HGS: variants seen among roughly 807,000 people sequenced by gnomAD.
HGS encodes human growth factor-regulated tyrosine kinase substrate.
A neutral mutation model predicts 109.7 loss-of-function variants in HGS; 63 were observed. The ratio of observed to expected loss-of-function variants is 0.57; its 90% CI spans 0.47 to 0.71. The LOEUF (loss-of-function observed/expected upper bound fraction) is 0.71, where lower values mean the gene tolerates loss of function less well. Among genes scored for constraint, HGS ranks in the 30% least tolerant of loss-of-function variants. The pLI, the probability that HGS is intolerant of heterozygous loss-of-function variation, is 0.00. For synonymous variants in HGS, 546 were observed against 437.3 expected (o/e 1.25, Z -3.10); for missense variants, 995 against 1,068.3 (o/e 0.93, Z 0.96).
intron 11 of HGS, among the ~76,000 whole-genome samples, chr17:81,694,246 C>T (rs1311338093): frequency 3.3e-5 from 5 of 152,312 alleles, no homozygotes; most frequent in South Asian, 2.1e-4. Context: ...ACACCCCTCC[C>T]GCCCCACAGG....
intron 11 of HGS, among the ~76,000 whole-genome samples, chr17:81,694,510 T>A (rs1277316705): frequency 6.6e-6 from 1 of 152,200 alleles, no homozygotes; most frequent in South Asian, 2.1e-4. Flanking sequence ...CCCCACACGC[T>A]GGACCGTGGG....
Position 81,693,674 on chromosome 17 carries a change from G to C in HGS, c.762G>C (p.Glu254Asp), listed in dbSNP as rs2037100589. 6.4e-7 allele frequency: 1 copy of C among 1,555,018 alleles called. No individual in the cohort carries two copies. The highest frequency in any genetic ancestry group is 8.7e-7 in the Non-Finnish European group (1 of 1,148,682). ...QQSQLPPKRD[E>D]TALQEEEELQ... is the part of the protein sequence containing the mutation. ...CTCAGCTGCCCCCCAAGAGGGACGA[G>C]ACGGCCCTGCAGGAGGAGGAGGAGC... Residue 254 changes from glutamate to aspartate, a missense_variant, in exon 10 of 22, where the codon GAG becomes GAC. By Grantham distance (45) the Glu-to-Asp change is conservative. Transcript: ENST00000329138.
rs199625176 is a variant in HGS, at chr17:81,685,577, C to T, written c.38-28C>T. The T allele has an allele frequency of 4.0e-5, 63 of 1,578,270 alleles. No homozygotes were observed. In the East Asian group the frequency reaches 1.3e-3, roughly 32 times the overall value. Reference sequence around the variant, plus strand: ...CACGGGGCGTCCAGCAGGATAACCCCTCCCTTTCATGGCATTTTCTCTCTC... The same window carrying T: ...CACGGGGCGTCCAGCAGGATAACCCTTCCCTTTCATGGCATTTTCTCTCTC... On this transcript the variant is annotated intron_variant, in intron 1 of 21. Transcript: ENST00000329138.
intron 1 of HGS, among the ~76,000 whole-genome samples, chr17:81,685,331 C>G (rs957947200): frequency 6.6e-6 from 1 of 152,224 alleles, no homozygotes; most frequent in African/African-American, 2.4e-5. Flanking sequence ...CGGCAGTGCC[C>G]TCGCCTCTCT....
chr17:81,696,570 G>T, intron 16 of HGS, 37 bp from the exon 17 acceptor site: 1 of 1,557,628 alleles, frequency 6.4e-7, no homozygotes, highest in Non-Finnish European at 8.7e-7. Flanking sequence ...CCGGCTGGGG[G>T]ACCTCGCAGC....
intron 11 of HGS, 101 bp downstream of exon 11, chr17:81,694,066 G>C (rs540492609): frequency 9.9e-7 from 1 of 1,007,522 alleles, no homozygotes; most frequent in African/African-American, 1.6e-5. Context: ...TGGGGGATGC[G>C]GGTCCCCGGG....
chr17:81,691,595 G>T lies in HGS; in HGVS notation c.662+24G>T, dbSNP rs767085468. Reference sequence around the variant, plus strand: ...AGGTGAGTCCCCGCCCCCCATTTGGGCTGCAGGTGGGGCAGGCTCTCCAGG... The same window carrying T: ...AGGTGAGTCCCCGCCCCCCATTTGGTCTGCAGGTGGGGCAGGCTCTCCAGG... On this transcript the variant is annotated intron_variant, in intron 8 of 21. Coordinates refer to ENST00000329138, the MANE Select transcript of HGS (RefSeq NM_004712.5). The surrounding 1 kb of genome is among the most constrained non-coding windows in gnomAD (Gnocchi z 5.3). 1.2e-6 allele frequency: 2 copies of T among 1,613,428 alleles called. No homozygotes were observed. Among genetic ancestry groups the T allele is most frequent in the Admixed American group, 1.7e-5 (1 of 60,012 alleles).
intron 8 of HGS, chr17:81,692,186 A>G (rs1474668750): frequency 6.6e-6 from 1 of 152,506 alleles, no homozygotes; most frequent in Non-Finnish European, 1.5e-5. Context: ...TCCACGTTCC[A>G]TTTCTGCCGT....
chr17:81,699,721 G>A (rs2037204585), intron 18 of HGS, among the ~76,000 whole-genome samples: 2 of 149,572 alleles, frequency 1.3e-5, no homozygotes, highest in Admixed American at 1.3e-4. Context: ...ACCACGCCCC[G>A]CCTATGTTCC....
chr17:81,696,165 G>T, intron 15 of HGS, 166 bp downstream of exon 15: 1 of 412,952 alleles, frequency 2.4e-6, no homozygotes, highest in South Asian at 3.4e-5. Flanking sequence ...TGATGACCAT[G>T]CCCTGCCCTG....
chr17:81,695,324 C>A, intron 14 of HGS, 101 bp downstream of exon 14: 2 of 1,308,150 alleles, frequency 1.5e-6, no homozygotes, highest in Non-Finnish European at 2.2e-6. Flanking sequence ...GAGGGCCGTG[C>A]TAGAGCAAGG....
At chr17:81,686,179 C>T in intron 2 of HGS, 133 bp from the exon 3 acceptor site, 1 of 706,124 alleles carries the variant, frequency 1.4e-6, no homozygotes, top group Non-Finnish European at 2.4e-6. Context: ...AATCCTCCTG[C>T]CTTGGCCTCC....
At position 81,700,825 on chromosome 17, in the gene HGS, C is replaced by T. The variant is rs766047729; in HGVS notation, c.2136+11C>T. 3.1e-6 allele frequency: 5 copies of T among 1,606,728 alleles called. No individual in the cohort carries two copies. The African/African-American group carries it at 5.3e-5, about 17-fold the overall frequency. Reference sequence around the variant, plus strand: ...CCTTACAACATGCAGGTACAGTGACCTCCAGGCCCTGCTGGGGGCCAGGGT... The same window carrying T: ...CCTTACAACATGCAGGTACAGTGACTTCCAGGCCCTGCTGGGGGCCAGGGT... On this transcript the variant is annotated intron_variant, in intron 20 of 21. Coordinates refer to ENST00000329138, the MANE Select transcript of HGS (RefSeq NM_004712.5).
chr17:81,685,570 A>C, intron 1 of HGS, 35 bp from the exon 2 acceptor site: 1 of 1,547,848 alleles, frequency 6.5e-7, no homozygotes, highest in Non-Finnish European at 8.9e-7. Context: ...GTCCAGCAGG[A>C]TAACCCCTCC....
rs373217497 is a variant in HGS, at chr17:81,686,969, C to G, written c.199-34C>G. On this transcript the variant is annotated intron_variant, in intron 3 of 21. Coordinates refer to ENST00000329138, the MANE Select transcript of HGS (RefSeq NM_004712.5). ...AGGAGGAGGGGCCCTGCCCTGACCA[C>G]TGGCCCAACCCTTCCCTTCCTGGGC... is the stretch of plus-strand genomic sequence containing the variant. 25 of 1,573,992 alleles carry G rather than the reference C, an allele frequency of 1.6e-5. No individual in the cohort carries two copies. The African/African-American group carries it at 1.7e-4, about 11-fold the overall frequency.
Position 81,686,308 on chromosome 17 carries a change from T to G in HGS, c.123-4T>G, listed in dbSNP as rs1181217648. The G allele has an allele frequency of 6.2e-7, 1 of 1,612,688 alleles. No individual in the cohort carries two copies. Among genetic ancestry groups the G allele is most frequent in the Non-Finnish European group, 8.5e-7 (1 of 1,179,292 alleles). On this transcript the variant is annotated splice_region_variant and splice_polypyrimidine_tract_variant and intron_variant, in intron 2 of 21. Coordinates refer to ENST00000329138, the MANE Select transcript of HGS (RefSeq NM_004712.5). ...CTCTGCTTTTATCAATGTTTCCTTT[T>G]CAGAGCAAAATATGCTGTGAATTCC...
Position 81,693,734 on chromosome 17 carries a change from G to A in HGS, c.822G>A (p.Ala274=), listed in dbSNP as rs190826038. The A allele has an allele frequency of 5.9e-5, 91 of 1,553,718 alleles. No individual in the cohort carries two copies. The African/African-American group carries it at 1.1e-3, about 18-fold the overall frequency. ...CCCTGGCGCTGTCACAGTCAGAGGC[G>A]GAGGAGAAGGAGAGGCTGGTAAGCC... The part of the protein sequence containing the change: ...QLALALSQSE[A]EEKERLRQKS... Residue 274 remains alanine, a synonymous_variant, in exon 10 of 22, where the codon GCG becomes GCA. Coordinates refer to ENST00000329138, the MANE Select transcript of HGS (RefSeq NM_004712.5).
Position 81,696,960 on chromosome 17 carries a change from C to A in HGS, c.1844C>A (p.Ala615Asp). 1.2e-6 allele frequency: 2 copies of A among 1,601,344 alleles called. No homozygotes were observed. The highest frequency in any genetic ancestry group is 1.7e-6 in the Non-Finnish European group (2 of 1,177,252). The change falls in exon 18 of 22, where the codon GCC becomes GAC. Residue 615 changes from alanine to aspartate, a missense_variant. Physicochemically the swap from Ala to Asp is moderately radical, Grantham distance 126. This residue lies in a region of HGS where 326 missense variants were observed against 309.7 expected (regional missense o/e 1.05). Coordinates refer to ENST00000329138, the MANE Select transcript of HGS (RefSeq NM_004712.5). Reference sequence around the variant, plus strand: ...GTGTACATGAGCCAGCCGGCCCCTGCCGCTGGCCCCTACCCCAGCATGCCC... The same window carrying A: ...GTGTACATGAGCCAGCCGGCCCCTGACGCTGGCCCCTACCCCAGCATGCCC... ...HGVYMSQPAP[A>D]AGPYPSMPST...
chr17:81,695,426 C>G (rs1023176090), intron 14 of HGS, among the ~76,000 whole-genome samples: 1 of 152,230 alleles, frequency 6.6e-6, no homozygotes, highest in South Asian at 2.1e-4. Context: ...GTCCAGAGCT[C>G]GGGCCACTCT....
Sources: allele counts gnomAD v4.1 joint callset (sites outside exome capture counted in the v4.1 genomes callset), GRCh38; gene constraint gnomAD v4.1.1; regional missense constraint gnomAD v4.1.1; non-coding constraint Gnocchi (gnomAD v3.1); transcripts MANE v1.5; gene names NCBI Gene and HGNC (gene_info 2026-07-23, HGNC 2026-07-21).